C8orf34: variants seen among roughly 807,000 people sequenced by gnomAD.
C8orf34 encodes uncharacterized protein C8orf34.
In C8orf34, 65 loss-of-function variants were observed where a neutral mutation model predicts 68.3. The ratio of observed to expected loss-of-function variants is 0.95; its 90% CI spans 0.78 to 1.17. The LOEUF (loss-of-function observed/expected upper bound fraction) is 1.17, where lower values mean the gene tolerates loss of function less well. Among genes scored for constraint, C8orf34 ranks in the 50% most tolerant of loss-of-function variants. The probability of loss-of-function intolerance (pLI) is 0.00; values close to 1 mark genes in which losing one functional copy is unlikely to be tolerated. For synonymous variants in C8orf34, 244 were observed against 241.2 expected, an observed-to-expected ratio of 1.01 and a Z score of -0.11; for missense variants, 664 against 655.4, an observed-to-expected ratio of 1.01 and a Z score of -0.14.
intron 8 of C8orf34, among the ~76,000 whole-genome samples, chr8:68,686,176 C>A (rs376344930): frequency 2.0e-5 from 3 of 151,938 alleles, no homozygotes; most frequent in African/African-American, 7.2e-5. Flanking sequence ...AGCCCAGGAC[C>A]AGATGGATTC....
chr8:68,460,340 G>A (rs1811750068), intron 3 of C8orf34, among the ~76,000 whole-genome samples: 1 of 152,236 alleles, frequency 6.6e-6, no homozygotes, highest in Admixed American at 6.5e-5. Flanking sequence ...GCCTGCCTCT[G>A]TAGGCTCCAC....
chr8:68,400,177 C>G (rs1444277880), intron 1 of C8orf34, among the ~76,000 whole-genome samples: 3 of 152,022 alleles, frequency 2.0e-5, no homozygotes, highest in African/African-American at 7.2e-5. Flanking sequence ...TTAATGAAGT[C>G]CCATTTGTCT....
chr8:68,801,407 C>G (rs1824323511), intron 12 of C8orf34, among the ~76,000 whole-genome samples: 1 of 152,206 alleles, frequency 6.6e-6, no homozygotes, highest in South Asian at 2.1e-4. Flanking sequence ...GCCATGGTTT[C>G]TCCCAATCCA....
intron 3 of C8orf34, among the ~76,000 whole-genome samples, chr8:68,449,368 C>T (rs569963075): frequency 1.3e-5 from 2 of 152,210 alleles, no homozygotes; most frequent in African/African-American, 4.8e-5. Flanking sequence ...TACCTAGCCC[C>T]TATCTAGTTT....
At chr8:68,747,791 G>A (rs1050378674) in intron 10 of C8orf34, among the ~76,000 whole-genome samples, 97 of 151,322 alleles carry the variant, frequency 6.4e-4, no homozygotes, top group African/African-American at 2.2e-3. Context: ...AATCAATATC[G>A]TGAAAATGGC....
At chr8:68,732,433 AT>A (rs1335498717) in intron 10 of C8orf34, among the ~76,000 whole-genome samples, 2 of 151,876 alleles carry the variant, frequency 1.3e-5, no homozygotes, top group African/African-American at 4.8e-5. Context: ...CTTTTTAATG[AT>A]TTTTTTGTGT....
At chr8:68,545,648 A>G (rs1815850652) in intron 7 of C8orf34, among the ~76,000 whole-genome samples, 1 of 152,142 alleles carries the variant, frequency 6.6e-6, no homozygotes, top group South Asian at 2.1e-4. Flanking sequence ...ATATTGTTCA[A>G]AATGATGGCA....
At chr8:68,765,160 A>G (rs1340524853) in intron 10 of C8orf34, among the ~76,000 whole-genome samples, 1 of 152,218 alleles carries the variant, frequency 6.6e-6, no homozygotes, top group Non-Finnish European at 1.5e-5. Flanking sequence ...TCATTGCTTT[A>G]TAGACAGTAT....
intron 8 of C8orf34, among the ~76,000 whole-genome samples, chr8:68,655,862 C>T (rs1001952472): frequency 6.6e-6 from 1 of 152,142 alleles, no homozygotes; most frequent in African/African-American, 2.4e-5. Context: ...TTCCATCTTT[C>T]TAGAATGTAG....
intron 12 of C8orf34, among the ~76,000 whole-genome samples, chr8:68,797,063 G>C (rs1187103193): frequency 2.0e-5 from 3 of 152,108 alleles, no homozygotes; most frequent in Admixed American, 6.5e-5. Context: ...CTGATCTTAG[G>C]TGATCCACCC....
chr8:68,623,387 C>T (rs1434924), intron 7 of C8orf34, among the ~76,000 whole-genome samples: 21,202 of 152,080 alleles, frequency 0.14, 1,544 homozygotes, highest in Admixed American at 0.21. Context: ...CCTCTACCAA[C>T]TAGATCACAG....
intron 7 of C8orf34, chr8:68,625,507 G>A: frequency 1.7e-6 from 1 of 604,332 alleles, no homozygotes; most frequent in Non-Finnish European, 3.0e-6. Context: ...TCCACTTGGG[G>A]TGGCGATGCT....
intron 1 of C8orf34, among the ~76,000 whole-genome samples, chr8:68,376,556 T>C (rs1334172729): frequency 6.6e-6 from 1 of 151,918 alleles, no homozygotes; most frequent in Non-Finnish European, 1.5e-5. Context: ...ATTATACTCC[T>C]TCCTCTTGGG....
chr8:68,634,951 G>A (rs187654135), intron 7 of C8orf34, among the ~76,000 whole-genome samples: 4 of 152,276 alleles, frequency 2.6e-5, no homozygotes, highest in African/African-American at 9.6e-5. Context: ...GAAGTCTCCA[G>A]TGAACCAGCA....
At chr8:68,439,326 A>G in intron 1 of C8orf34, 173 bp from the exon 2 acceptor site, 1 of 514,916 alleles carries the variant, frequency 1.9e-6, no homozygotes, top group East Asian at 3.2e-5. Context: ...TTGTTTCCTC[A>G]GAATGAGGGC....
rs182127092 is a variant in C8orf34, at chr8:68,530,710, A to G, written c.939-2273A>G. 22 of 691,562 alleles carry G rather than the reference A, an allele frequency of 3.2e-5. No individual in the cohort carries two copies. The African/African-American group carries it at 3.8e-4, about 12-fold the overall frequency. The allele number at this position is 691,562 out of a possible 1,614,324, so 42.8% of individuals were successfully genotyped here. On this transcript the variant is annotated intron_variant, in intron 6 of 13. Coordinates refer to ENST00000518698, the MANE Select transcript of C8orf34 (RefSeq NM_052958.4). ...TATTTATGTTTTATTTCCACTATTA[A>G]AGAGTAAACATGATTTTCTTTAAGT...
chr8:68,779,705 G>C (rs1043909992), intron 11 of C8orf34, among the ~76,000 whole-genome samples: 1 of 152,096 alleles, frequency 6.6e-6, no homozygotes, highest in Non-Finnish European at 1.5e-5. Flanking sequence ...TTCTACTTCT[G>C]ATGGAGAGTG....
At chr8:68,558,034 G>A (rs1217580790) in intron 7 of C8orf34, among the ~76,000 whole-genome samples, 2 of 152,164 alleles carry the variant, frequency 1.3e-5, no homozygotes, top group African/African-American at 4.8e-5. Flanking sequence ...ACGTGGAAAT[G>A]TTCCACCTAA....
intron 7 of C8orf34, among the ~76,000 whole-genome samples, chr8:68,619,220 A>C (rs1479072319): frequency 1.3e-5 from 2 of 152,138 alleles, no homozygotes; most frequent in Non-Finnish European, 2.9e-5. Flanking sequence ...CAGCTACTTG[A>C]AAAGCTGAGG....
Sources: gnomAD v4.1 joint callset for allele counts (sites outside exome capture counted in the v4.1 genomes callset) on GRCh38, gnomAD v4.1.1 for gene constraint, MANE v1.5 for transcripts, NCBI Gene and HGNC (gene_info 2026-07-23, HGNC 2026-07-21) for gene names.